The following ARHGAP1 variants were observed in gnomAD, a reference collection of about 807,000 sequenced individuals.
The protein encoded by ARHGAP1 is Rho GTPase activating protein 1.
Under a neutral mutation model 52.2 loss-of-function variants are expected in ARHGAP1, and 23 were observed. That is an observed-to-expected ratio of 0.44 (90% CI 0.32 to 0.62). The LOEUF is 0.62. Among genes scored for constraint, ARHGAP1 ranks in the 20% least tolerant of loss-of-function variants. The probability of loss-of-function intolerance (pLI) is 0.05; values close to 1 mark genes in which losing one functional copy is unlikely to be tolerated. For missense variants in ARHGAP1, 480 were observed against 560.9 expected, an observed-to-expected ratio of 0.86 and a Z score of 1.46; for synonymous variants, 210 against 228.4, an observed-to-expected ratio of 0.92 and a Z score of 0.73.
Position 46,688,279 on chromosome 11 carries a change from G to A in ARHGAP1, c.230-19C>T. The A allele has an allele frequency of 6.2e-7, 1 of 1,607,190 alleles. No individual in the cohort carries two copies. The highest frequency in any genetic ancestry group is 8.5e-7 in the Non-Finnish European group (1 of 1,175,084). On this transcript the variant is annotated intron_variant, in intron 3 of 12. Transcript: ENST00000311956. Reference sequence around the variant, plus strand: ...TCATCTCCTAGGTGTGGAGAAAGATGGAGCACAGTGGGTTGAAGGGGAACC... The same window carrying A: ...TCATCTCCTAGGTGTGGAGAAAGATAGAGCACAGTGGGTTGAAGGGGAACC...
rs1463773078 is a variant in ARHGAP1, at chr11:46,680,588, G to A, written c.744-25C>T. 8.7e-6 allele frequency: 14 copies of A among 1,613,704 alleles called. No individual in the cohort carries two copies. The highest frequency in any genetic ancestry group is 1.1e-5 in the South Asian group (1 of 91,086). On this transcript the variant is annotated intron_variant, in intron 8 of 12. Transcript: ENST00000311956. The surrounding 1 kb of genome is among the most constrained non-coding windows in gnomAD (Gnocchi z 5.9). ...GCTGCGGGAAAAAGGCTGGTGAGCC[G>A]GGCCTGCAGCCCTTCCCGCCCCGCC...
chr11:46,689,804 G>A (rs147329058), intron 3 of ARHGAP1, among the ~76,000 whole-genome samples: 100 of 152,204 alleles, frequency 6.6e-4, no homozygotes, highest in African/African-American at 2.0e-3. Flanking sequence ...CTCCCAAAGC[G>A]CTGGGATTAC....
In ARHGAP1 at chr11:46,680,315, G is replaced by A. The variant is rs1327277226; in HGVS notation, c.821-33C>T. ...ACAGTAGGGCCTGGTGAGCCTCCGA[G>A]CGCTGGGCACCGGCTGGATTCCCTG... is the stretch of plus-strand genomic sequence containing the variant. On this transcript the variant is annotated intron_variant, in intron 9 of 12. Transcript: ENST00000311956. The surrounding 1 kb of genome is among the most constrained non-coding windows in gnomAD (Gnocchi z 5.9). The A allele has an allele frequency of 2.5e-6, 4 of 1,610,660 alleles. No individual in the cohort carries two copies. Among genetic ancestry groups the A allele is most frequent in the South Asian group, 1.1e-5 (1 of 91,008 alleles).
At chr11:46,683,957 G>A (rs2134481843) in intron 4 of ARHGAP1, among the ~76,000 whole-genome samples, 1 of 152,248 alleles carries the variant, frequency 6.6e-6, no homozygotes. Context: ...CCTCTTTCTA[G>A]TTGGCCAAAC....
chr11:46,697,182 C>A (rs1444120287), intron 1 of ARHGAP1: 1 of 152,662 alleles, frequency 6.6e-6, no homozygotes, highest in Non-Finnish European at 1.5e-5. Context: ...GCAGACTCGA[C>A]CACCAAGCTG....
At chr11:46,691,808 C>G (rs922698902) in intron 3 of ARHGAP1, among the ~76,000 whole-genome samples, 1 of 151,894 alleles carries the variant, frequency 6.6e-6, no homozygotes, top group Admixed American at 6.6e-5. Flanking sequence ...GGCTGGTCTC[C>G]AACTCCTGAC....
Position 46,678,964 on chromosome 11 carries a change from T to G in ARHGAP1, c.*73A>C. ...CAACATCTCTCTCCAGGGGGCTTCATGGCCCCTGATGCCAGGAGGAAGAGT... is the reference window on the plus strand; with the variant it reads ...CAACATCTCTCTCCAGGGGGCTTCAGGGCCCCTGATGCCAGGAGGAAGAGT... On this transcript the variant is annotated 3_prime_UTR_variant, in exon 13 of 13. Coordinates refer to ENST00000311956, the MANE Select transcript of ARHGAP1 (RefSeq NM_004308.5). 1 of 1,508,270 alleles carries G rather than the reference T, an allele frequency of 6.6e-7. No individual in the cohort carries two copies. The highest frequency in any genetic ancestry group is 9.1e-7 in the Non-Finnish European group (1 of 1,103,036). The allele number at this position is 1,508,270 out of a possible 1,614,324, so 93.4% of individuals were successfully genotyped here.
chr11:46,696,195 CTCTTTT>C lies in ARHGAP1; in HGVS notation c.-49-45_-49-40del. On this transcript the variant is annotated intron_variant, in intron 1 of 12. Coordinates refer to ENST00000311956, the MANE Select transcript of ARHGAP1 (RefSeq NM_004308.5). This position sits in a 1 kb window ranked among gnomAD's most constrained non-coding sequence, Gnocchi z 4.8. ...AGACAGGTGGCAGGTCAGTGACCTG[CTCTTTT>C]CACCTTCTGCGACCTCCACCGCGTG... 2.1e-6 allele frequency: 3 copies of C among 1,425,396 alleles called. No homozygotes were observed. Among genetic ancestry groups the C allele is most frequent in the Non-Finnish European group, 2.8e-6 (3 of 1,058,806 alleles). The allele number at this position is 1,425,396 out of a possible 1,614,324, so 88.3% of individuals were successfully genotyped here. A position where few individuals can be genotyped will look rare whatever the true frequency, so the allele number is the denominator to read the frequency against.
chr11:46,694,845 A>T (rs3923267), intron 3 of ARHGAP1, among the ~76,000 whole-genome samples: 2 of 151,832 alleles, frequency 1.3e-5, no homozygotes, highest in Non-Finnish European at 2.9e-5. Context: ...CAAGCCCAGC[A>T]CCCCCATAGC....
rs747944516 is a variant in ARHGAP1, at chr11:46,680,708, C to T, written c.675G>A (p.Ala225=). ...DFLKSTQKSP[A]TAPKPMPPRP... ...GTGGGGGCATGGGCTTGGGGGCTGTCGCGGGGCTCTTCTGTGTGGATTTCA... is the reference window on the plus strand; with the variant it reads ...GTGGGGGCATGGGCTTGGGGGCTGTTGCGGGGCTCTTCTGTGTGGATTTCA... The change falls in exon 8 of 13, where the codon GCG becomes GCA. Residue 225 remains alanine (A), a synonymous_variant. Coordinates refer to ENST00000311956, the MANE Select transcript of ARHGAP1 (RefSeq NM_004308.5). The surrounding 1 kb of genome is among the most constrained non-coding windows in gnomAD (Gnocchi z 5.9). The T allele has an allele frequency of 6.3e-6, 10 of 1,579,950 alleles. No individual in the cohort carries two copies. The highest frequency in any genetic ancestry group is 4.5e-5 in the East Asian group (2 of 44,618).
At position 46,680,395 on chromosome 11, in the gene ARHGAP1, C is replaced by G; in HGVS notation, c.820+92G>C. ...GGCTGGGTGGGGACGTTGAGGCTTG[C>G]AGGACCTCCCTCTGCCCTGCCCAGC... On this transcript the variant is annotated intron_variant, in intron 9 of 12. Coordinates refer to ENST00000311956, the MANE Select transcript of ARHGAP1 (RefSeq NM_004308.5). This position sits in a 1 kb window ranked among gnomAD's most constrained non-coding sequence, Gnocchi z 5.9. The G allele has an allele frequency of 6.3e-7, 1 of 1,578,896 alleles. No individual in the cohort carries two copies. The highest frequency in any genetic ancestry group is 8.7e-7 in the Non-Finnish European group (1 of 1,149,570).
rs1449646541 is a variant in ARHGAP1 at position 46,679,866 on chromosome 11, C to T, written c.899-90G>A. On this transcript the variant is annotated intron_variant, in intron 10 of 12. Transcript: ENST00000311956. This position sits in a 1 kb window ranked among gnomAD's most constrained non-coding sequence, Gnocchi z 4.4. ...ACGCGGGCCGCACTGCCTGACTGCC[C>T]CTGGACACTGCATAAGCCCCTCCTC... 62 of 1,574,758 alleles carry T rather than the reference C, an allele frequency of 3.9e-5. No homozygotes were observed. The highest frequency in any genetic ancestry group is 5.2e-5 in the Non-Finnish European group (60 of 1,163,288).
At chr11:46,692,953 C>A (rs543193890) in intron 3 of ARHGAP1, among the ~76,000 whole-genome samples, 2 of 151,712 alleles carry the variant, frequency 1.3e-5, no homozygotes, top group Admixed American at 6.6e-5. Context: ...CCCGGGTTCA[C>A]GCTATTCTCC....
At position 46,680,667 on chromosome 11, in the gene ARHGAP1, T is replaced by C. The variant is rs759604331; in HGVS notation, c.716A>G (p.Asn239Ser). The change falls in exon 8 of 13, where the codon AAC (asparagine) becomes AGC (serine). Residue 239 changes from asparagine (N) to serine (S), a missense_variant. Physicochemically the swap from Asn to Ser is conservative, Grantham distance 46. Coordinates refer to ENST00000311956, the MANE Select transcript of ARHGAP1 (RefSeq NM_004308.5). This position sits in a 1 kb window ranked among gnomAD's most constrained non-coding sequence, Gnocchi z 5.9. ...CTGCAGCGAGACTCCAAACTGCTGG[T>C]TGGGCAGGGGGGGCCGTGGGGGCAT... is the stretch of plus-strand genomic sequence containing the variant. ...KPMPPRPPLP[N>S]QQFGVSLQHL... 1.9e-6 allele frequency: 3 copies of C among 1,610,186 alleles called. No homozygotes were observed. The highest frequency in any genetic ancestry group is 2.2e-5 in the South Asian group (2 of 90,850).
Position 46,679,537 on chromosome 11 carries a change from C to A in ARHGAP1, c.1028-69G>T. On this transcript the variant is annotated intron_variant, in intron 11 of 12. Coordinates refer to ENST00000311956, the MANE Select transcript of ARHGAP1 (RefSeq NM_004308.5). This position sits in a 1 kb window ranked among gnomAD's most constrained non-coding sequence, Gnocchi z 4.4. ...CTGGTTCAGGACGCTCTGATGCAGG[C>A]TAGAGGGGAGACCCCCAGCAGTCTT... is the stretch of plus-strand genomic sequence containing the variant. 6.2e-7 allele frequency: 1 copy of A among 1,606,560 alleles called. No individual in the cohort carries two copies. Among genetic ancestry groups the A allele is most frequent in the Non-Finnish European group, 8.5e-7 (1 of 1,174,780 alleles).
intron 3 of ARHGAP1, 115 bp from the exon 4 acceptor site, chr11:46,688,375 G>A (rs897114745): frequency 1.2e-5 from 13 of 1,066,264 alleles, no homozygotes; most frequent in Middle Eastern, 4.2e-4. Flanking sequence ...AGGGGCCAGA[G>A]TGCCCATGCA....
chr11:46,682,348 G>A (rs1331076992), intron 4 of ARHGAP1, among the ~76,000 whole-genome samples, 166 bp from the exon 5 acceptor site: 1 of 152,220 alleles, frequency 6.6e-6, no homozygotes, highest in African/African-American at 2.4e-5. Flanking sequence ...TTGCTGTGGA[G>A]GAGGCCTAGG....
Position 46,680,056 on chromosome 11 carries a change from G to A in ARHGAP1, c.898+149C>T, listed in dbSNP as rs894090670. 4 of 1,060,086 alleles carry A rather than the reference G, an allele frequency of 3.8e-6. No individual in the cohort carries two copies. The Admixed American group carries it at 8.0e-5, about 21-fold the overall frequency. The allele number at this position is 1,060,086 out of a possible 1,614,324, so 65.7% of individuals were successfully genotyped here. On this transcript the variant is annotated intron_variant, in intron 10 of 12. Coordinates refer to ENST00000311956, the MANE Select transcript of ARHGAP1 (RefSeq NM_004308.5). The surrounding 1 kb of genome is among the most constrained non-coding windows in gnomAD (Gnocchi z 5.9). ...GCCCGACCGATGAGGCAGCAGGCCT[G>A]GCAGAAGTAGGACTTATGTGACACC...
At position 46,677,967 on chromosome 11, in the gene ARHGAP1, C is replaced by T. The variant is rs1190667763; in HGVS notation, c.*1070G>A. 4.5e-6 allele frequency: 2 copies of T among 440,584 alleles called. No homozygotes were observed. The highest frequency in any genetic ancestry group is 5.3e-5 in the Admixed American group (2 of 37,686). The allele number at this position is 440,584 out of a possible 1,614,324, so 27.3% of individuals were successfully genotyped here. A position where few individuals can be genotyped will look rare whatever the true frequency, so the allele number is the denominator to read the frequency against. On this transcript the variant is annotated 3_prime_UTR_variant, in exon 13 of 13. Transcript: ENST00000311956. ...CAGAAAAAAAAAAAAAAAGGTGGCC[C>T]TAGAGCCCCTTAATCCCCTGGGGAA...
Sources: gnomAD v4.1 joint callset for allele counts (sites outside exome capture counted in the v4.1 genomes callset) on GRCh38, gnomAD v4.1.1 for gene constraint, Gnocchi (gnomAD v3.1) non-coding constraint, MANE v1.5 for transcripts, NCBI Gene and HGNC (gene_info 2026-07-23, HGNC 2026-07-21) for gene names.